The following MYO10 variants were observed in gnomAD, a reference collection of about 807,000 sequenced individuals.
The protein encoded by MYO10 is unconventional myosin-X.
MYO10 carries 133 observed loss-of-function variants against 257.3 expected under a neutral mutation model. The observed-to-expected ratio is 0.52, with a 90% CI of 0.45 to 0.60. MYO10 has a LOEUF of 0.60. Ranked by LOEUF, MYO10 falls within the 20% of genes least tolerant of loss-of-function variation. The pLI is 0.00. For missense variants in MYO10, 2,399 were observed against 2,635.7 expected, an observed-to-expected ratio of 0.91 and a Z score of 1.97; for synonymous variants, 1,104 against 1,028.6, an observed-to-expected ratio of 1.07 and a Z score of -1.40.
chr5:16,747,575 A>G (rs1740232242), intron 19 of MYO10, among the ~76,000 whole-genome samples: 1 of 152,228 alleles, frequency 6.6e-6, no homozygotes, highest in African/African-American at 2.4e-5. Context: ...ATTAGGGCAA[A>G]GAGACCAAAG....
Position 16,704,596 on chromosome 5 carries a change from G to A in MYO10, c.2259C>T (p.Val753=). 2 of 1,613,864 alleles carry A rather than the reference G, an allele frequency of 1.2e-6. No homozygotes were observed. The highest frequency in any genetic ancestry group is 2.2e-5 in the South Asian group (2 of 91,060). ...GTTCTTACCGTGCTAAGAAGCCCAA[G>A]ACATGGGCCCGAATCACCATGGCCG... is the stretch of plus-strand genomic sequence containing the variant. ...SHAAMVIRAH[V]LGFLARKQYR... Residue 753 remains valine, a synonymous_variant, in exon 22 of 41, where the codon GTC becomes GTT. Coordinates refer to ENST00000513610, the MANE Select transcript of MYO10 (RefSeq NM_012334.3).
At position 16,683,934 on chromosome 5, in the gene MYO10, C is replaced by T. The variant is rs556480130; in HGVS notation, c.3992G>A (p.Gly1331Asp). Residue 1331 changes from glycine to aspartate, a missense_variant and splice_region_variant, in exon 30 of 41, where the codon GGC becomes GAC. Physicochemically the swap from Gly to Asp is moderately conservative, Grantham distance 94. Around this residue, in one of 3 missense-constraint regions of MYO10, gnomAD observed 1,820 missense variants for 1,939.4 expected, o/e 0.94. Transcript: ENST00000513610. ...ATCAATCAGCCCCACATCCAAGGTG[C>T]CCTGGAAAAGAACAAAAAGTAAACA... ...DEQANPQNAV[G>D]TLDVGLIDSV... 4 of 1,613,070 alleles carry T rather than the reference C, an allele frequency of 2.5e-6. No individual in the cohort carries two copies. Among genetic ancestry groups the T allele is most frequent in the African/African-American group, 1.3e-5 (1 of 75,006 alleles).
chr5:16,887,390 G>A (rs1286690675), intron 1 of MYO10, among the ~76,000 whole-genome samples: 1 of 152,232 alleles, frequency 6.6e-6, no homozygotes, highest in Non-Finnish European at 1.5e-5. Flanking sequence ...AATGAACTAT[G>A]CTAAATGGCA....
intron 19 of MYO10, among the ~76,000 whole-genome samples, chr5:16,719,306 C>A (rs1296727914): frequency 1.3e-5 from 2 of 152,176 alleles, no homozygotes; most frequent in Non-Finnish European, 2.9e-5. Context: ...TCAGTGACAC[C>A]AAGAACCCAC....
chr5:16,823,467 G>GGGGGTTTTTTTTTTTT (rs1561003861), intron 2 of MYO10, among the ~76,000 whole-genome samples: 2 of 3,978 alleles, frequency 5.0e-4, no homozygotes, highest in Non-Finnish European at 1.2e-3. Flanking sequence ...GGGGAGTGGG[G>GGGGGTTTTTTTTTTTT]ATTTTTTTTT....
intron 3 of MYO10, among the ~76,000 whole-genome samples, chr5:16,812,101 A>G (rs1043799021): frequency 2.0e-5 from 3 of 152,158 alleles, no homozygotes; most frequent in African/African-American, 7.2e-5. Context: ...CCTCTCCTCA[A>G]GGCAGCAAAC....
chr5:16,904,194 G>A (rs1345638028), intron 1 of MYO10, among the ~76,000 whole-genome samples: 3 of 152,072 alleles, frequency 2.0e-5, no homozygotes, highest in Non-Finnish European at 4.4e-5. Context: ...ACACATGGGG[G>A]TTTCTGGAGG....
chr5:16,922,075 G>A (rs761397250), intron 1 of MYO10, among the ~76,000 whole-genome samples: 15 of 151,950 alleles, frequency 9.9e-5, no homozygotes, highest in Admixed American at 2.0e-4. Context: ...TTAGCCAGGC[G>A]TGGTGGTGCG....
chr5:16,703,083 T>C lies in MYO10; in HGVS notation c.2352A>G (p.Arg784=), dbSNP rs1561195300. Residue 784 remains arginine, a synonymous_variant, in exon 23 of 41, where the codon AGA becomes AGG. Transcript: ENST00000513610. ...KNYRAFLLRR[R]FLHLKKAAIV... ...TGGCTGCCTTTTTCAGGTGCAAAAA[T>C]CTCCTCCTCAGAAGGAATGCTCTGT... 2 of 1,576,062 alleles carry C rather than the reference T, an allele frequency of 1.3e-6. No homozygotes were observed. Among genetic ancestry groups the C allele is most frequent in the East Asian group, 2.3e-5 (1 of 43,748 alleles).
intron 10 of MYO10, among the ~76,000 whole-genome samples, chr5:16,767,968 G>C (rs1240689590): frequency 6.6e-6 from 1 of 151,998 alleles, no homozygotes; most frequent in Non-Finnish European, 1.5e-5. Flanking sequence ...ATGGGCCACT[G>C]TGCCCAGCCA....
intron 26 of MYO10, among the ~76,000 whole-genome samples, chr5:16,697,505 G>T (rs1415101219): frequency 4.6e-5 from 7 of 152,214 alleles, no homozygotes; most frequent in South Asian, 2.1e-4. Context: ...TTCGAGACCA[G>T]CCTGGCCGAC....
intron 2 of MYO10, 64 bp from the exon 3 acceptor site, chr5:16,818,231 T>G: frequency 7.6e-7 from 1 of 1,318,066 alleles, no homozygotes; most frequent in Non-Finnish European, 1.0e-6. Context: ...CACACAAGTT[T>G]CCCAAACTGA....
intron 3 of MYO10, among the ~76,000 whole-genome samples, chr5:16,800,175 T>C (rs545636490): frequency 6.6e-6 from 1 of 152,272 alleles, no homozygotes; most frequent in African/African-American, 2.4e-5. Flanking sequence ...ATCTGACTCT[T>C]ACAATAAAAT....
chr5:16,837,375 A>C (rs894004524), intron 2 of MYO10, among the ~76,000 whole-genome samples: 13 of 152,178 alleles, frequency 8.5e-5, no homozygotes, highest in Non-Finnish European at 1.6e-4. Context: ...CAGACACAAA[A>C]GGCTATATAT....
chr5:16,884,920 T>C (rs147344479), intron 1 of MYO10, among the ~76,000 whole-genome samples: 39 of 152,272 alleles, frequency 2.6e-4, no homozygotes, highest in African/African-American at 8.9e-4. Flanking sequence ...AAACTGAAGG[T>C]GTTTACAAAA....
intron 2 of MYO10, among the ~76,000 whole-genome samples, chr5:16,848,412 G>A (rs112854000): frequency 0.11 from 17,161 of 151,860 alleles, 1,243 homozygotes; most frequent in African/African-American, 0.21. Context: ...CGCCTGCTTC[G>A]GCCTCCCAAA....
At chr5:16,820,028 G>A (rs1268824875) in intron 2 of MYO10, among the ~76,000 whole-genome samples, 2 of 152,224 alleles carry the variant, frequency 1.3e-5, no homozygotes, top group Non-Finnish European at 2.9e-5. Context: ...CCATCTCATG[G>A]TAAGGTGGCC....
At chr5:16,842,990 T>C (rs1261088921) in intron 2 of MYO10, among the ~76,000 whole-genome samples, 2 of 151,620 alleles carry the variant, frequency 1.3e-5, no homozygotes, top group Non-Finnish European at 2.9e-5. Flanking sequence ...CTGCTCCTAC[T>C]TGACACCCGT....
Position 16,936,043 on chromosome 5 carries a change from G to C in MYO10, c.-235C>G. The C allele has an allele frequency of 1.7e-6, 1 of 584,428 alleles. No individual in the cohort carries two copies. Among genetic ancestry groups the C allele is most frequent in the Non-Finnish European group, 3.1e-6 (1 of 327,336 alleles). 36.2% of individuals were successfully genotyped at this position (584,428 alleles called of 1,614,324 possible). ...CAGCCTTTGTCTCTTCTTCCTCCAA[G>C]TTCCTCACTACTGGGCGCAGCGCTC... is the stretch of plus-strand genomic sequence containing the variant. On this transcript the variant is annotated 5_prime_UTR_variant, in exon 1 of 41. Coordinates refer to ENST00000513610, the MANE Select transcript of MYO10 (RefSeq NM_012334.3).
Sources: gnomAD v4.1 joint callset for allele counts (sites outside exome capture counted in the v4.1 genomes callset) on GRCh38, gnomAD v4.1.1 for gene constraint, gnomAD v4.1.1 regional missense constraint, MANE v1.5 for transcripts, NCBI Gene and HGNC (gene_info 2026-07-23, HGNC 2026-07-21) for gene names.